NRG3: variants seen among roughly 807,000 people sequenced by gnomAD.
NRG3 encodes neuregulin 3.
In NRG3, 31 loss-of-function variants were observed where a neutral mutation model predicts 66.9. The ratio of observed to expected loss-of-function variants is 0.46; its 90% CI spans 0.35 to 0.63. The LOEUF (loss-of-function observed/expected upper bound fraction) is 0.63. Among genes scored for constraint, NRG3 ranks in the 20% least tolerant of loss-of-function variants. The pLI, the probability that NRG3 is intolerant of heterozygous loss-of-function variation, is 0.00. For synonymous variants in NRG3, 393 were observed against 359.4 expected (o/e 1.09, Z -1.06); for missense variants, 910 against 878.9 (o/e 1.04, Z -0.45).
At chr10:82,324,649 A>G (rs2081765916) in intron 1 of NRG3, among the ~76,000 whole-genome samples, 2 of 152,288 alleles carry the variant, frequency 1.3e-5, no homozygotes, top group Non-Finnish European at 2.9e-5. Flanking sequence ...CTTTCTAATT[A>G]CTTTTATATT....
chr10:82,619,228 T>C (rs548762220), intron 2 of NRG3, among the ~76,000 whole-genome samples: 2 of 152,230 alleles, frequency 1.3e-5, no homozygotes, highest in South Asian at 4.1e-4. Context: ...AAATAAAGAA[T>C]AAAAAAGTTT....
chr10:82,423,436 G>C (rs1310705665), intron 2 of NRG3, among the ~76,000 whole-genome samples: 3 of 151,854 alleles, frequency 2.0e-5, no homozygotes, highest in African/African-American at 7.2e-5. Context: ...TGCTATCTTT[G>C]GCTGATTCTG....
At chr10:82,397,972 T>C (rs373987805) in intron 2 of NRG3, among the ~76,000 whole-genome samples, 1 of 152,138 alleles carries the variant, frequency 6.6e-6, no homozygotes, top group African/African-American at 2.4e-5. Flanking sequence ...GCAGTCTGTC[T>C]TTGAGCACTT....
intron 2 of NRG3, among the ~76,000 whole-genome samples, chr10:82,373,396 G>T (rs189166240): frequency 6.6e-6 from 1 of 152,246 alleles, no homozygotes; most frequent in East Asian, 1.9e-4. Flanking sequence ...AGATGTGGAT[G>T]TGGAGAGACA....
chr10:81,948,987 C>T (rs1368636742), intron 1 of NRG3, among the ~76,000 whole-genome samples: 1 of 152,132 alleles, frequency 6.6e-6, no homozygotes, highest in Non-Finnish European at 1.5e-5. Context: ...TCTAGTTGTC[C>T]TCTCCCCAGG....
intron 3 of NRG3, among the ~76,000 whole-genome samples, chr10:82,843,477 G>C (rs746981802): frequency 6.6e-6 from 1 of 152,080 alleles, no homozygotes; most frequent in African/African-American, 2.4e-5. Context: ...CACAGTCTGC[G>C]GTATGCTGTT....
At chr10:82,386,197 A>G (rs563341793) in intron 2 of NRG3, among the ~76,000 whole-genome samples, 1 of 152,308 alleles carries the variant, frequency 6.6e-6, no homozygotes, top group Admixed American at 6.5e-5. Flanking sequence ...GAAAATGAAA[A>G]GATTAATAAC....
chr10:82,166,166 G>A (rs2072042235), intron 1 of NRG3, among the ~76,000 whole-genome samples: 1 of 152,044 alleles, frequency 6.6e-6, no homozygotes, highest in Non-Finnish European at 1.5e-5. Context: ...GGGATTACAG[G>A]CATGCACCAC....
chr10:81,979,360 T>A (rs1014932499), intron 1 of NRG3, among the ~76,000 whole-genome samples: 3 of 152,108 alleles, frequency 2.0e-5, no homozygotes, highest in African/African-American at 7.2e-5. Flanking sequence ...TTCTAAAATC[T>A]TGCTCATATC....
chr10:82,922,098 AC>A (rs1252483490), intron 4 of NRG3, among the ~76,000 whole-genome samples: 2 of 151,740 alleles, frequency 1.3e-5, no homozygotes, highest in Non-Finnish European at 2.9e-5. Flanking sequence ...CACCCCCACC[AC>A]CCGCCACCTC....
chr10:82,766,347 T>C (rs998231095), intron 3 of NRG3, among the ~76,000 whole-genome samples: 2 of 152,110 alleles, frequency 1.3e-5, no homozygotes, highest in East Asian at 3.9e-4. Context: ...ATACAGACAA[T>C]GAAGACTGAA....
At chr10:82,499,119 T>C (rs1021273218) in intron 2 of NRG3, among the ~76,000 whole-genome samples, 16 of 152,160 alleles carry the variant, frequency 1.1e-4, no homozygotes, top group African/African-American at 3.6e-4. Context: ...GAGTCTGGCC[T>C]AGTGACAAGT....
intron 3 of NRG3, among the ~76,000 whole-genome samples, chr10:82,788,773 CA>C (rs200321225): frequency 1.1e-4 from 17 of 149,390 alleles, no homozygotes; most frequent in East Asian, 9.8e-4. Flanking sequence ...TACTCTGTCT[CA>C]AAAAAAAAAT....
At chr10:82,848,798 A>G (rs570725236) in intron 3 of NRG3, among the ~76,000 whole-genome samples, 5 of 152,262 alleles carry the variant, frequency 3.3e-5, no homozygotes, top group African/African-American at 9.6e-5. Flanking sequence ...ATGATAGTGA[A>G]TAAGTCTCAC....
intron 2 of NRG3, among the ~76,000 whole-genome samples, chr10:82,692,205 A>T (rs1221458287): frequency 6.6e-6 from 1 of 150,726 alleles, no homozygotes; most frequent in African/African-American, 2.4e-5. Flanking sequence ...GTGAGCTGAG[A>T]TTGCATCACT....
In NRG3 at chr10:82,959,080, G is replaced by A; in HGVS notation, c.1284+5G>A. ...AGCCATGTCCAGCTGCAAAATGTAA[G>A]TGACATGTCTACACACCTCCTCCTA... On this transcript the variant is annotated splice_donor_5th_base_variant and intron_variant, in intron 6 of 8. Transcript: ENST00000372141. 1.9e-6 allele frequency: 3 copies of A among 1,593,808 alleles called. No homozygotes were observed. The highest frequency in any genetic ancestry group is 2.6e-6 in the Non-Finnish European group (3 of 1,173,016).
At chr10:82,147,103 A>G (rs1051092530) in intron 1 of NRG3, among the ~76,000 whole-genome samples, 2 of 152,238 alleles carry the variant, frequency 1.3e-5, no homozygotes, top group African/African-American at 4.8e-5. Flanking sequence ...GTTGGGGGTC[A>G]TCACTATTTC....
intron 4 of NRG3, among the ~76,000 whole-genome samples, chr10:82,891,881 T>C (rs915797473): frequency 5.3e-5 from 8 of 152,214 alleles, no homozygotes; most frequent in Admixed American, 5.2e-4. Context: ...ACAATTTACC[T>C]TGAATTATGA....
At chr10:82,933,347 T>C (rs1783292442) in intron 4 of NRG3, among the ~76,000 whole-genome samples, 1 of 152,162 alleles carries the variant, frequency 6.6e-6, no homozygotes, top group African/African-American at 2.4e-5. Flanking sequence ...TAGAAAGAAG[T>C]ATGGTTGTAC....
Sources: allele counts gnomAD v4.1 joint callset (sites outside exome capture counted in the v4.1 genomes callset), GRCh38; gene constraint gnomAD v4.1.1; transcripts MANE v1.5; gene names NCBI Gene and HGNC (gene_info 2026-07-23, HGNC 2026-07-21).